Variants in NEK10 observed in about 807,000 individuals in gnomAD.
NEK10 encodes the protein NIMA related kinase 10, also known as serine/threonine-protein kinase Nek10.
NEK10 carries 122 observed loss-of-function variants against 159.8 expected under a neutral mutation model. That is an observed-to-expected ratio of 0.76 (90% confidence interval 0.66 to 0.89). The LOEUF (loss-of-function observed/expected upper bound fraction) is 0.89, where lower values mean the gene tolerates loss of function less well. Among genes scored for constraint, NEK10 ranks in the 40% least tolerant of loss-of-function variants. The pLI is 0.00. For missense variants in NEK10, 1,342 were observed against 1,323.1 expected, an observed-to-expected ratio of 1.01 and a Z score of -0.22; for synonymous variants, 466 against 457.1, an observed-to-expected ratio of 1.02 and a Z score of -0.25.
chr3:27,122,997 G>A (rs920535130), intron 32 of NEK10, among the ~76,000 whole-genome samples: 4 of 152,230 alleles, frequency 2.6e-5, no homozygotes, highest in African/African-American at 9.6e-5. Flanking sequence ...ATTTTTTGAC[G>A]AATCCCAGAT....
chr3:27,111,093 C>T lies in NEK10; in HGVS notation c.*179G>A, dbSNP rs183286766. On this transcript the variant is annotated 3_prime_UTR_variant, in exon 36 of 36. Coordinates refer to ENST00000691995, the MANE Select transcript of NEK10 (RefSeq NM_001394966.1). ...TTCTGGCAATGAAGCCCTCAAGTAC[C>T]GCAGCTGTCATATACTCCAGCACAG... The T allele has an allele frequency of 3.9e-4, 181 of 465,708 alleles. No individual in the cohort carries two copies. The highest frequency in any genetic ancestry group is 2.9e-3 in the African/African-American group (145 of 49,566). 28.8% of individuals were successfully genotyped at this position (465,708 alleles called of 1,614,324 possible). A position where few individuals can be genotyped will look rare whatever the true frequency, so the allele number is the denominator to read the frequency against.
chr3:27,258,125 G>C (rs1956406907), intron 22 of NEK10, among the ~76,000 whole-genome samples: 1 of 151,930 alleles, frequency 6.6e-6, no homozygotes, highest in Non-Finnish European at 1.5e-5. Flanking sequence ...ATAAAATAAG[G>C]ATTATAATAA....
At chr3:27,276,279 G>A (rs1472576325) in intron 22 of NEK10, among the ~76,000 whole-genome samples, 1 of 152,002 alleles carries the variant, frequency 6.6e-6, no homozygotes. Context: ...TGTGCCATGT[G>A]CTATGAGACA....
In NEK10 at chr3:27,304,961, C is replaced by G. The variant is rs1475652279; in HGVS notation, c.814G>C (p.Glu272Gln). Residue 272 changes from glutamate (E) to glutamine (Q), a missense_variant, in exon 12 of 36, where the codon GAG (glutamate) becomes CAG (glutamine). Physicochemically the swap from Glu to Gln is conservative, Grantham distance 29 (BLOSUM62 2). Transcript: ENST00000691995. ...YDLLSKRLTAELLRLLCAEPQ... is the reference protein window; with the variant it reads ...YDLLSKRLTAQLLRLLCAEPQ... ...TCTGCACAAAGTAGGCGCAGCAACTCCGCTGTTAGTCTGAAAGGGGTACAG... is the reference window on the plus strand; with the variant it reads ...TCTGCACAAAGTAGGCGCAGCAACTGCGCTGTTAGTCTGAAAGGGGTACAG... 7 of 1,610,196 alleles carry G rather than the reference C, an allele frequency of 4.3e-6. No homozygotes were observed. Among genetic ancestry groups the G allele is most frequent in the African/African-American group, 1.3e-5 (1 of 74,956 alleles).
Position 27,316,579 on chromosome 3 carries a change from T to C in NEK10, c.448-2241A>G, listed in dbSNP as rs889802154. On this transcript the variant is annotated intron_variant, in intron 6 of 35. Coordinates refer to ENST00000691995, the MANE Select transcript of NEK10 (RefSeq NM_001394966.1). ...GTTATTCACATGAAGGAGATTCATC[T>C]GAAGCTTGGGAGTGGGAAGACACCA... 3.3e-5 allele frequency among the ~76,000 whole-genome samples: 5 copies of C among 152,172 alleles called. No homozygotes were observed. The South Asian group carries it at 6.2e-4, about 19-fold the overall frequency.
At chr3:27,327,033 G>C (rs901837614) in intron 5 of NEK10, among the ~76,000 whole-genome samples, 1 of 152,170 alleles carries the variant, frequency 6.6e-6, no homozygotes, top group African/African-American at 2.4e-5. Context: ...GAATAATAGT[G>C]ACAGATTGTA....
rs141541255 is a variant in NEK10, at chr3:27,218,378, G to A, written c.2091-15821C>T. Among the ~76,000 whole-genome samples the A allele has an allele frequency of 4.7e-3, 722 of 152,188 alleles. 12 individuals carry two copies. Among genetic ancestry groups the A allele is most frequent in the African/African-American group, 0.016 (681 of 41,508 alleles). ...TCCCAGCACTTTGGGAGACCAAGGCGGGCGGATCACAAGGTCAGGAGTTTG... is the reference window on the plus strand; with the variant it reads ...TCCCAGCACTTTGGGAGACCAAGGCAGGCGGATCACAAGGTCAGGAGTTTG... On this transcript the variant is annotated intron_variant, in intron 23 of 35. Transcript: ENST00000691995.
chr3:27,215,557 C>T, intron 23 of NEK10: 7 of 462,168 alleles, frequency 1.5e-5, no homozygotes, highest in South Asian at 5.3e-5. Context: ...CTCTTCTTTC[C>T]TTGGATGTTG....
At chr3:27,246,750 G>C (rs1206763168) in intron 23 of NEK10, among the ~76,000 whole-genome samples, 2 of 151,892 alleles carry the variant, frequency 1.3e-5, no homozygotes, top group Non-Finnish European at 2.9e-5. Flanking sequence ...TTCTCCATGA[G>C]TTCAATTATT....
At chr3:27,236,507 GT>G (rs989692533) in intron 23 of NEK10, among the ~76,000 whole-genome samples, 1 of 152,040 alleles carries the variant, frequency 6.6e-6, no homozygotes, top group Non-Finnish European at 1.5e-5. Context: ...TTCAATGTAG[GT>G]TCTATTTTCC....
intron 23 of NEK10, among the ~76,000 whole-genome samples, chr3:27,211,939 T>C (rs1951041861): frequency 6.6e-6 from 1 of 152,226 alleles, no homozygotes; most frequent in Admixed American, 6.5e-5. Flanking sequence ...TGTTTGACTT[T>C]GGAGGTGAGG....
chr3:27,124,680 C>T (rs576504113), intron 32 of NEK10, among the ~76,000 whole-genome samples: 2 of 152,188 alleles, frequency 1.3e-5, no homozygotes, highest in Non-Finnish European at 2.9e-5. Flanking sequence ...GGTGAAAAAG[C>T]GTGAGGTTTA....
At chr3:27,157,696 T>C (rs1443252201) in intron 30 of NEK10, among the ~76,000 whole-genome samples, 1 of 152,192 alleles carries the variant, frequency 6.6e-6, no homozygotes, top group Non-Finnish European at 1.5e-5. Flanking sequence ...GACTCCAGTT[T>C]TTGTAAGAAG....
chr3:27,203,913 A>G (rs1950261129), intron 23 of NEK10, among the ~76,000 whole-genome samples: 1 of 152,066 alleles, frequency 6.6e-6, no homozygotes, highest in African/African-American at 2.4e-5. Flanking sequence ...GAAATGGGGG[A>G]ATTGGGGCTG....
At chr3:27,248,456 T>C (rs1955318173) in intron 23 of NEK10, among the ~76,000 whole-genome samples, 1 of 152,138 alleles carries the variant, frequency 6.6e-6, no homozygotes, top group Admixed American at 6.5e-5. Context: ...ATTAGGTTAT[T>C]TATTTGAAGT....
At position 27,293,615 on chromosome 3, in the gene NEK10, A is replaced by T. The variant is rs2043153425; in HGVS notation, c.1346T>A (p.Met449Lys). 2 of 1,579,316 alleles carry T rather than the reference A, an allele frequency of 1.3e-6. No homozygotes were observed. The highest frequency in any genetic ancestry group is 2.7e-5 in the African/African-American group (2 of 74,158). ...TTTAAAGAGTGGTCTGTTTCTTTCC[A>T]TACTGAAGAGAAATCTCAAGGCTCT... The part of the protein sequence containing the change: ...AFRALRFLFS[M>K]ERNRPLFKRL... Residue 449 changes from methionine (M) to lysine (K), a missense_variant, in exon 16 of 36, where the codon ATG becomes AAG. By Grantham distance (95) the Met-to-Lys change is moderately conservative. Coordinates refer to ENST00000691995, the MANE Select transcript of NEK10 (RefSeq NM_001394966.1).
chr3:27,145,753 G>A (rs1035656135), intron 30 of NEK10, among the ~76,000 whole-genome samples: 1 of 151,042 alleles, frequency 6.6e-6, no homozygotes, highest in Non-Finnish European at 1.5e-5. Context: ...TTTTACAGAT[G>A]AGGAGACTGA....
intron 13 of NEK10, among the ~76,000 whole-genome samples, chr3:27,299,405 T>A (rs988093453): frequency 1.3e-5 from 2 of 152,132 alleles, no homozygotes; most frequent in Admixed American, 1.3e-4. Context: ...AGAGGATGTA[T>A]GGAAATGCCT....
chr3:27,130,180 G>T (rs1575427552), intron 32 of NEK10, among the ~76,000 whole-genome samples: 1 of 152,218 alleles, frequency 6.6e-6, no homozygotes, highest in Non-Finnish European at 1.5e-5. Flanking sequence ...CCATGGGCTT[G>T]TAGTATCAGA....
Sources: allele counts gnomAD v4.1 joint callset (sites outside exome capture counted in the v4.1 genomes callset), GRCh38; gene constraint gnomAD v4.1.1; transcripts MANE v1.5; gene names NCBI Gene and HGNC (gene_info 2026-07-23, HGNC 2026-07-21).